The following EDAR variants were observed in gnomAD, a reference collection of about 807,000 sequenced individuals.
EDAR encodes ectodysplasin A receptor.
A neutral mutation model predicts 51.3 loss-of-function variants in EDAR; 38 were observed. The ratio of observed to expected loss-of-function variants is 0.74; its 90% CI spans 0.57 to 0.97. EDAR has a LOEUF of 0.97. Ranked by LOEUF, EDAR falls within the 50% of genes least tolerant of loss-of-function variation. The probability of loss-of-function intolerance (pLI) is 0.00; values close to 1 mark genes in which losing one functional copy is unlikely to be tolerated. For synonymous variants in EDAR, 227 were observed against 242.1 expected, an observed-to-expected ratio of 0.94 and a Z score of 0.58; for missense variants, 528 against 595.0, an observed-to-expected ratio of 0.89 and a Z score of 1.17.
chr2:108,942,672 C>A (rs952376166), intron 1 of EDAR, among the ~76,000 whole-genome samples: 1 of 152,260 alleles, frequency 6.6e-6, no homozygotes, highest in African/African-American at 2.4e-5. Context: ...ACGGCGGGAG[C>A]CCTGCGGTTC....
intron 1 of EDAR, among the ~76,000 whole-genome samples, chr2:108,959,225 C>A (rs1697989005): frequency 6.6e-6 from 1 of 152,224 alleles, no homozygotes; most frequent in East Asian, 1.9e-4. Flanking sequence ...GGGGCCATTG[C>A]AAGGCCAAGT....
intron 1 of EDAR, among the ~76,000 whole-genome samples, chr2:108,960,903 C>A (rs1698025797): frequency 6.6e-6 from 1 of 152,208 alleles, no homozygotes; most frequent in South Asian, 2.1e-4. Flanking sequence ...CCAAGAGTAT[C>A]CCCTAAGGCT....
chr2:108,906,189 G>A (rs888123013), intron 11 of EDAR, 119 bp downstream of exon 11: 20 of 1,006,094 alleles, frequency 2.0e-5, no homozygotes, highest in Admixed American at 3.6e-5. Flanking sequence ...TGACCAAAGT[G>A]CGGCAACTGG....
chr2:108,940,876 G>A (rs13425733), intron 1 of EDAR, among the ~76,000 whole-genome samples: 7,265 of 152,202 alleles, frequency 0.048, 563 homozygotes, highest in African/African-American at 0.16. Flanking sequence ...AACTAATCAC[G>A]TTTATTGAGT....
chr2:108,921,060 C>G (rs912761905), intron 5 of EDAR, among the ~76,000 whole-genome samples: 1 of 152,300 alleles, frequency 6.6e-6, no homozygotes, highest in East Asian at 1.9e-4. Flanking sequence ...CCAAGCAATT[C>G]GAGTCATAAG....
At position 108,895,997 on chromosome 2, in the gene EDAR, A is replaced by G. The variant is rs891974426; in HGVS notation, c.*910T>C. 3.5e-4 allele frequency: 54 copies of G among 152,216 alleles called. 2 individuals carry two copies. Among genetic ancestry groups the G allele is most frequent in the Non-Finnish European group, 4.4e-5 (3 of 68,046 alleles). The allele number at this position is 152,216 out of a possible 1,614,324, so 9.4% of individuals were successfully genotyped here. ...GTGAAAACACAGCCTGACACATTAT[A>G]ATTTAAATTGCTGTGTCCTTCAGCA... On this transcript the variant is annotated 3_prime_UTR_variant, in exon 12 of 12. Transcript: ENST00000258443.
intron 11 of EDAR, among the ~76,000 whole-genome samples, chr2:108,900,319 GC>G (rs1272851522): frequency 6.6e-6 from 1 of 152,222 alleles, no homozygotes; most frequent in African/African-American, 2.4e-5. Flanking sequence ...ACTTTGGGAG[GC>G]CAAGGCAGAT....
At position 108,929,186 on chromosome 2, in the gene EDAR, G is replaced by A; in HGVS notation, c.356+12C>T. The A allele has an allele frequency of 6.2e-7, 1 of 1,613,748 alleles. No homozygotes were observed. Among genetic ancestry groups the A allele is most frequent in the Non-Finnish European group, 8.5e-7 (1 of 1,179,948 alleles). ...AAGCATGCCAGGGTTTGCCAGGAGG[G>A]CCTGTGCTTACCCAGGGAGGCAAGG... On this transcript the variant is annotated intron_variant, in intron 4 of 11. Transcript: ENST00000258443.
intron 1 of EDAR, among the ~76,000 whole-genome samples, chr2:108,982,001 T>A (rs951540426): frequency 5.9e-5 from 9 of 152,232 alleles, no homozygotes; most frequent in Admixed American, 3.9e-4. Flanking sequence ...GACGGATGCT[T>A]CCCGTCCTCA....
chr2:108,906,328 T>G lies in EDAR; in HGVS notation c.1004A>C (p.Asn335Thr), dbSNP rs143635489. 24 of 1,614,106 alleles carry G rather than the reference T, an allele frequency of 1.5e-5. No individual in the cohort carries two copies. The African/African-American group carries it at 2.4e-4, about 16-fold the overall frequency. ...RRKKILDVYA[N>T]VCGVVEGLSP... is the part of the protein sequence containing the mutation. ...CTTACCTTCCACGACTCCACACACGTTGGCATACACATCGAGGATCTTTTT... is the reference window on the plus strand; with the variant it reads ...CTTACCTTCCACGACTCCACACACGGTGGCATACACATCGAGGATCTTTTT... The change falls in exon 11 of 12, where the codon AAC becomes ACC. Residue 335 changes from asparagine to threonine, a missense_variant. Asn to Thr is a moderately conservative substitution (Grantham distance 65). Transcript: ENST00000258443.
chr2:108,947,387 G>T (rs1697733263), intron 1 of EDAR, among the ~76,000 whole-genome samples: 1 of 152,188 alleles, frequency 6.6e-6, no homozygotes, highest in African/African-American at 2.4e-5. Context: ...TCTGGAAAAT[G>T]GTGGTGCTCG....
chr2:108,958,275 G>T lies in EDAR; in HGVS notation c.-18-27243C>A, dbSNP rs529346556. 7.2e-5 allele frequency among the ~76,000 whole-genome samples: 11 copies of T among 152,228 alleles called. No homozygotes were observed. In the South Asian group the frequency reaches 2.3e-3, roughly 32 times the overall value. The stretch of plus-strand genomic sequence containing the variant: ...TTCCTTAAGCTCACTGTTGAGACTC[G>T]CCTGTTTTCAAATCAACCGCAGACT... On this transcript the variant is annotated intron_variant, in intron 1 of 11. Transcript: ENST00000258443.
chr2:108,912,668 C>A lies in EDAR; in HGVS notation c.529+10G>T, dbSNP rs1696949245. The A allele has an allele frequency of 6.3e-7, 1 of 1,579,676 alleles. No individual in the cohort carries two copies. The highest frequency in any genetic ancestry group is 1.3e-5 in the African/African-American group (1 of 74,264). On this transcript the variant is annotated intron_variant, in intron 6 of 11. Transcript: ENST00000258443. The stretch of plus-strand genomic sequence containing the variant: ...ACTCCAGGTGATCGATACCTGAGCA[C>A]CCTCCTCACCTTTGTGGGCGTGCTG...
intron 1 of EDAR, among the ~76,000 whole-genome samples, chr2:108,949,503 A>G (rs1165680528): frequency 6.6e-6 from 1 of 152,166 alleles, no homozygotes; most frequent in African/African-American, 2.4e-5. Context: ...CTCTATGGGG[A>G]CATCCACTTC....
chr2:108,910,441 G>C lies in EDAR; in HGVS notation c.803+19C>G. ...CACAGGACCCCAGCTTCAGCTTGGTGCTGGGGGCTTCCACATACCTCTTGG... is the reference window on the plus strand; with the variant it reads ...CACAGGACCCCAGCTTCAGCTTGGTCCTGGGGGCTTCCACATACCTCTTGG... On this transcript the variant is annotated intron_variant, in intron 9 of 11. Transcript: ENST00000258443. The C allele has an allele frequency of 6.2e-7, 1 of 1,607,086 alleles. No individual in the cohort carries two copies. Among genetic ancestry groups the C allele is most frequent in the African/African-American group, 1.3e-5 (1 of 74,904 alleles).
At chr2:108,957,905 C>G (rs958758782) in intron 1 of EDAR, among the ~76,000 whole-genome samples, 2 of 152,156 alleles carry the variant, frequency 1.3e-5, no homozygotes, top group Admixed American at 6.5e-5. Context: ...GGAAAGCTGA[C>G]AAAAGCAACC....
intron 3 of EDAR, 136 bp from the exon 4 acceptor site, chr2:108,929,515 G>A: frequency 1.1e-6 from 1 of 926,140 alleles, no homozygotes. Context: ...TTCCTGAGTT[G>A]TCCTAACTGC....
chr2:108,896,776 AACATCCTAAGGCATACGGTG>A lies in EDAR; in HGVS notation c.*111_*130del. 2.3e-6 allele frequency: 2 copies of A among 880,930 alleles called. No individual in the cohort carries two copies. The highest frequency in any genetic ancestry group is 3.5e-5 in the South Asian group (2 of 57,546). The allele number at this position is 880,930 out of a possible 1,614,324, so 54.6% of individuals were successfully genotyped here. On this transcript the variant is annotated 3_prime_UTR_variant, in exon 12 of 12. Transcript: ENST00000258443. ...AGGCCTTATTTCGTCTGGCTCCTTG[AACATCCTAAGGCATACGGTG>A]ACATATCACAAAAGCCTTGATTCTT...
intron 5 of EDAR, among the ~76,000 whole-genome samples, chr2:108,923,082 C>T (rs1697179686): frequency 6.6e-6 from 1 of 152,134 alleles, no homozygotes; most frequent in Non-Finnish European, 1.5e-5. Context: ...GTTAGTACCC[C>T]CATATTACCG....
Sources: gnomAD v4.1 joint callset for allele counts (sites outside exome capture counted in the v4.1 genomes callset) on GRCh38, gnomAD v4.1.1 for gene constraint, MANE v1.5 for transcripts, NCBI Gene and HGNC (gene_info 2026-07-23, HGNC 2026-07-21) for gene names.